The following COL4A1 variants were observed in gnomAD, a reference collection of about 807,000 sequenced individuals.
The protein encoded by COL4A1 is collagen type IV alpha 1 chain.
In COL4A1, 40 loss-of-function variants were observed where a neutral mutation model predicts 216.6. The observed-to-expected ratio is 0.18, with a 90% confidence interval of 0.14 to 0.24. The LOEUF (loss-of-function observed/expected upper bound fraction) is 0.24. Among genes scored for constraint, COL4A1 ranks in the 10% least tolerant of loss-of-function variants. The pLI is 1.00. For synonymous variants in COL4A1, 839 were observed against 810.7 expected (o/e 1.03, Z -0.59); for missense variants, 1,628 against 2,196.8 (o/e 0.74, Z 5.18).
At chr13:110,159,233 G>A (rs951326725) in intron 49 of COL4A1, among the ~76,000 whole-genome samples, 3 of 148,376 alleles carry the variant, frequency 2.0e-5, no homozygotes, top group African/African-American at 7.5e-5. Context: ...ATTTTCGATG[G>A]GTACAATATC....
At chr13:110,271,847 T>G (rs1397229794) in intron 1 of COL4A1, among the ~76,000 whole-genome samples, 2 of 152,232 alleles carry the variant, frequency 1.3e-5, no homozygotes, top group African/African-American at 4.8e-5. Context: ...TTTGGGGAAT[T>G]TGGATGAAAG....
In COL4A1 at chr13:110,256,158, G is replaced by A. The variant is rs141705278; in HGVS notation, c.85-13424C>T. Among the ~76,000 whole-genome samples, 859 of 152,012 alleles carry A rather than the reference G, an allele frequency of 5.7e-3. 7 individuals carry two copies. Among genetic ancestry groups the A allele is most frequent in the African/African-American group, 0.019 (805 of 41,438 alleles). ...TCAGCCTCCTCCCCATGAAATCTCC[G>A]GCTAGAGACAAGACACCTATATAAT... On this transcript the variant is annotated intron_variant, in intron 1 of 51. Coordinates refer to ENST00000375820, the MANE Select transcript of COL4A1 (RefSeq NM_001845.6).
chr13:110,303,404 C>A (rs1473111165), intron 1 of COL4A1, among the ~76,000 whole-genome samples: 1 of 152,050 alleles, frequency 6.6e-6, no homozygotes, highest in Non-Finnish European at 1.5e-5. Flanking sequence ...CCTTCCAATT[C>A]TTTCCACCCC....
At chr13:110,249,248 G>C (rs1881971767) in intron 1 of COL4A1, among the ~76,000 whole-genome samples, 1 of 152,100 alleles carries the variant, frequency 6.6e-6, no homozygotes, top group Non-Finnish European at 1.5e-5. Flanking sequence ...TTTGCTTGTT[G>C]CGGGCGGTGA....
chr13:110,276,615 T>G (rs1420715523), intron 1 of COL4A1, among the ~76,000 whole-genome samples: 2 of 152,204 alleles, frequency 1.3e-5, no homozygotes, highest in South Asian at 4.1e-4. Flanking sequence ...TGCACTCCAT[T>G]AAGTATGTAA....
Position 110,211,842 on chromosome 13 carries a change from G to T in COL4A1, c.441+27C>A, listed in dbSNP as rs765096288. ...GAGAAGTCATAACTAAAAGAAAGAA[G>T]TTCTGCCCTAAATAACCTCTACTCA... On this transcript the variant is annotated intron_variant, in intron 7 of 51. Transcript: ENST00000375820. The surrounding 1 kb of genome is among the most constrained non-coding windows in gnomAD (Gnocchi z 4.3). The T allele has an allele frequency of 1.2e-6, 2 of 1,613,234 alleles. No individual in the cohort carries two copies. The highest frequency in any genetic ancestry group is 2.2e-5 in the South Asian group (2 of 91,050).
chr13:110,261,036 C>CAAAAA (rs575253533), intron 1 of COL4A1, among the ~76,000 whole-genome samples: 8,573 of 82,358 alleles, frequency 0.1, 839 homozygotes, highest in Non-Finnish European at 0.13. Context: ...GACTCCGTCT[C>CAAAAA]AAAAAAAAAA....
chr13:110,270,818 C>A (rs1196547746), intron 1 of COL4A1, among the ~76,000 whole-genome samples: 1 of 152,174 alleles, frequency 6.6e-6, no homozygotes, highest in Non-Finnish European at 1.5e-5. Flanking sequence ...ACCACAGTAG[C>A]AATGGGCATG....
At chr13:110,171,858 A>T (rs1002279127) in intron 41 of COL4A1, among the ~76,000 whole-genome samples, 3 of 152,212 alleles carry the variant, frequency 2.0e-5, no homozygotes, top group Non-Finnish European at 4.4e-5. Flanking sequence ...TGTTTGAGGG[A>T]TTCTGTGAGT....
intron 18 of COL4A1, among the ~76,000 whole-genome samples, chr13:110,202,515 A>G (rs979846551): frequency 1.3e-5 from 2 of 152,244 alleles, no homozygotes; most frequent in African/African-American, 4.8e-5. Flanking sequence ...ATAAATATAT[A>G]CAATTTTTGT....
rs995078033 is a variant in COL4A1 at position 110,189,809 on chromosome 13, G to T, written c.1536+2405C>A. On this transcript the variant is annotated intron_variant, in intron 24 of 51. Coordinates refer to ENST00000375820, the MANE Select transcript of COL4A1 (RefSeq NM_001845.6). ...TGGTCCTCATTCTGTAAATCACTTT[G>T]CTTCATTAGGACAGTCTATTTGCAG... 2.0e-5 allele frequency among the ~76,000 whole-genome samples: 3 copies of T among 152,088 alleles called. No homozygotes were observed. In the East Asian group the frequency reaches 5.8e-4, roughly 29 times the overall value.
At chr13:110,205,124 C>T (rs1165848295) in intron 17 of COL4A1, among the ~76,000 whole-genome samples, 17 of 152,132 alleles carry the variant, frequency 1.1e-4, no homozygotes, top group Non-Finnish European at 2.4e-4. Flanking sequence ...AAATAATCTA[C>T]TACCAAAAAA....
chr13:110,164,743 C>T, intron 46 of COL4A1, 119 bp downstream of exon 46: 1 of 1,390,266 alleles, frequency 7.2e-7, no homozygotes, highest in Non-Finnish European at 9.7e-7. Context: ...AACTCATATT[C>T]ATATGTGTGT....
In COL4A1 at chr13:110,206,517, G is replaced by C. The variant is rs781507401; in HGVS notation, c.858+148C>G. The C allele has an allele frequency of 1.8e-4, 155 of 884,396 alleles. 1 individual carries two copies. The highest frequency in any genetic ancestry group is 2.7e-4 in the Non-Finnish European group (147 of 535,944). The allele number at this position is 884,396 out of a possible 1,614,324, so 54.8% of individuals were successfully genotyped here. A position where few individuals can be genotyped will look rare whatever the true frequency, so the allele number is the denominator to read the frequency against. On this transcript the variant is annotated intron_variant, in intron 15 of 51. Transcript: ENST00000375820. ...AAGCCTTGCAACTGATATAGCTCAG[G>C]AGAGTCTCGGAAAAGCCCTTCGGGG...
At chr13:110,179,207 T>C in intron 30 of COL4A1, 64 bp downstream of exon 30, 1 of 1,603,156 alleles carries the variant, frequency 6.2e-7, no homozygotes, top group Non-Finnish European at 8.5e-7. Context: ...GTAGGGGCTC[T>C]GGGAATGCAA....
At chr13:110,251,475 G>A (rs746771) in intron 1 of COL4A1, among the ~76,000 whole-genome samples, 17,997 of 152,268 alleles carry the variant, frequency 0.12, 1,257 homozygotes, top group East Asian at 0.2. Context: ...CCCATCTACT[G>A]CACGCCTGCA....
At chr13:110,162,067 G>A in intron 48 of COL4A1, 163 bp downstream of exon 48, 2 of 739,160 alleles carry the variant, frequency 2.7e-6, no homozygotes, top group Non-Finnish European at 4.9e-6. Flanking sequence ...ATCAATGGAG[G>A]GAAATGGGGC....
chr13:110,171,584 T>C (rs780470104), intron 41 of COL4A1, among the ~76,000 whole-genome samples: 1 of 152,096 alleles, frequency 6.6e-6, no homozygotes, highest in Admixed American at 6.5e-5. Flanking sequence ...ATGCCAAAAT[T>C]CTAAGGTTAT....
intron 1 of COL4A1, among the ~76,000 whole-genome samples, chr13:110,277,324 A>G (rs1218698882): frequency 1.3e-5 from 2 of 152,200 alleles, no homozygotes; most frequent in Admixed American, 1.3e-4. Context: ...GGCTGCTGAC[A>G]TGTTCTGTCT....
Sources: allele counts gnomAD v4.1 joint callset (sites outside exome capture counted in the v4.1 genomes callset), GRCh38; gene constraint gnomAD v4.1.1; non-coding constraint Gnocchi (gnomAD v3.1); transcripts MANE v1.5; gene names NCBI Gene and HGNC (gene_info 2026-07-23, HGNC 2026-07-21).